Variants in PCDH15 observed in about 807,000 individuals in gnomAD.
PCDH15 encodes protocadherin related 15.
A neutral mutation model predicts 178.5 loss-of-function variants in PCDH15; 129 were observed. The ratio of observed to expected loss-of-function variants is 0.72; its 90% CI spans 0.63 to 0.84. PCDH15 has a LOEUF of 0.84. PCDH15 is among the 40% of genes least tolerant of loss of function. The pLI, the probability that PCDH15 is intolerant of heterozygous loss-of-function variation, is 0.00. For missense variants in PCDH15, 2,230 were observed against 2,099.9 expected, an observed-to-expected ratio of 1.06 and a Z score of -1.21; for synonymous variants, 800 against 732.0, an observed-to-expected ratio of 1.09 and a Z score of -1.50.
intron 3 of PCDH15, among the ~76,000 whole-genome samples, chr10:54,411,202 G>A (rs927836138): frequency 1.6e-4 from 21 of 127,572 alleles, no homozygotes; most frequent in African/African-American, 5.8e-4. Flanking sequence ...CTACAGGCAT[G>A]CTTATATTCC....
intron 6 of PCDH15, among the ~76,000 whole-genome samples, chr10:54,340,738 A>C (rs1369593179): frequency 6.6e-6 from 1 of 152,042 alleles, no homozygotes; most frequent in Non-Finnish European, 1.5e-5. Flanking sequence ...CTACATTGGC[A>C]TGGTTTGGGG....
intron 25 of PCDH15, among the ~76,000 whole-genome samples, chr10:53,913,671 G>C (rs1397774322): frequency 6.6e-6 from 1 of 151,672 alleles, no homozygotes. Context: ...GTGAACCCGG[G>C]AGGCAGAGCT....
At chr10:54,145,267 ATTATC>A (rs2043793848) in intron 14 of PCDH15, among the ~76,000 whole-genome samples, 2 of 151,992 alleles carry the variant, frequency 1.3e-5, no homozygotes, top group African/African-American at 4.8e-5. Context: ...AGAGGATTGT[ATTATC>A]TTATTATTAT....
chr10:54,854,094 T>C (rs1413563712), intron 3 of PCDH15, among the ~76,000 whole-genome samples: 1 of 152,160 alleles, frequency 6.6e-6, no homozygotes, highest in Non-Finnish European at 1.5e-5. Context: ...CAGTCAGTCA[T>C]GAGAGCTGCT....
chr10:54,783,484 C>T (rs983228834), intron 1 of PCDH15, among the ~76,000 whole-genome samples: 1 of 151,960 alleles, frequency 6.6e-6, no homozygotes, highest in Non-Finnish European at 1.5e-5. Context: ...GTAAAGAAAG[C>T]CTGTGAGACA....
At chr10:54,286,719 G>A (rs2059051339) in intron 8 of PCDH15, among the ~76,000 whole-genome samples, 1 of 152,132 alleles carries the variant, frequency 6.6e-6, no homozygotes, top group Non-Finnish European at 1.5e-5. Flanking sequence ...TCCGCCTCCT[G>A]AGTTCAAGCA....
rs562090098 is a variant in PCDH15, at chr10:54,820,116, A to T, written c.-29+77334T>A. 1.2e-4 allele frequency among the ~76,000 whole-genome samples: 18 copies of T among 152,168 alleles called. No individual in the cohort carries two copies. The South Asian group carries it at 1.7e-3, about 14-fold the overall frequency. The stretch of plus-strand genomic sequence containing the variant: ...TCTTTCCCATAGAAACCATTCCAAC[A>T]ATGACAAGGAAAGTAATCTTAGTAG... On this transcript the variant is annotated intron_variant, in intron 3 of 5. Transcript: ENST00000458638.
chr10:55,248,462 T>C (rs1841742431), intron 1 of PCDH15, among the ~76,000 whole-genome samples: 1 of 152,194 alleles, frequency 6.6e-6, no homozygotes, highest in East Asian at 1.9e-4. Context: ...AATTCATCTG[T>C]AATGTATTTT....
intron 1 of PCDH15, among the ~76,000 whole-genome samples, chr10:55,286,489 T>C (rs752396101): frequency 2.3e-4 from 35 of 151,610 alleles, no homozygotes; most frequent in Non-Finnish European, 1.0e-4. Context: ...TCTGTAGCTG[T>C]AGTCTATGAG....
rs1304422019 is a variant in PCDH15 at position 54,447,030 on chromosome 10, G to C, written c.158-68088C>G. Among the ~76,000 whole-genome samples, 5 of 151,506 alleles carry C rather than the reference G, an allele frequency of 3.3e-5. No individual in the cohort carries two copies. The East Asian group carries it at 7.7e-4, about 23-fold the overall frequency. ...AAAACTCCCCCTCTCTTACTCTCTG[G>C]CTGCAAACAAACCTCTCTGCTTTCT... is the stretch of plus-strand genomic sequence containing the variant. On this transcript the variant is annotated intron_variant, in intron 3 of 37. Coordinates refer to ENST00000644397, the MANE Select transcript of PCDH15 (RefSeq NM_001384140.1).
intron 2 of PCDH15, among the ~76,000 whole-genome samples, chr10:55,059,025 G>T (rs1591866845): frequency 6.6e-6 from 1 of 152,126 alleles, no homozygotes; most frequent in East Asian, 1.9e-4. Flanking sequence ...TTAAATCACG[G>T]TCCGTGAAAT....
chr10:53,922,659 C>T (rs916462090), intron 25 of PCDH15, among the ~76,000 whole-genome samples: 1 of 152,102 alleles, frequency 6.6e-6, no homozygotes, highest in Non-Finnish European at 1.5e-5. Flanking sequence ...GATAAAATTT[C>T]TCCTTTACTG....
intron 21 of PCDH15, among the ~76,000 whole-genome samples, chr10:53,992,794 C>T (rs1011287232): frequency 3.9e-5 from 6 of 152,132 alleles, no homozygotes; most frequent in South Asian, 2.1e-4. Flanking sequence ...AACGCTGTCA[C>T]GAAAGCACGG....
intron 21 of PCDH15, chr10:53,995,391 CATT>C: frequency 1.9e-6 from 1 of 522,064 alleles, no homozygotes; most frequent in Non-Finnish European, 3.4e-6. Context: ...ATATATTTAT[CATT>C]GTTAGATAAA....
At chr10:55,315,445 G>C (rs1051196149) in intron 1 of PCDH15, among the ~76,000 whole-genome samples, 4 of 152,032 alleles carry the variant, frequency 2.6e-5, no homozygotes, top group Admixed American at 1.3e-4. Flanking sequence ...ATAAATTATA[G>C]GCAAAGTTAC....
At chr10:55,537,063 AT>A (rs1841594218) in intron 2 of PCDH15, among the ~76,000 whole-genome samples, 1 of 152,116 alleles carries the variant, frequency 6.6e-6, no homozygotes, top group Non-Finnish European at 1.5e-5. Flanking sequence ...ATAGCACAGA[AT>A]TTGCACCATT....
At chr10:54,002,536 T>A (rs1024831793) in intron 20 of PCDH15, among the ~76,000 whole-genome samples, 2 of 152,118 alleles carry the variant, frequency 1.3e-5, no homozygotes, top group African/African-American at 2.4e-5. Context: ...AATAACAACA[T>A]AAATTTTGGA....
chr10:55,322,428 C>T (rs550450750), upstream of PCDH15, among the ~76,000 whole-genome samples: 13 of 152,154 alleles, frequency 8.5e-5, no homozygotes, highest in Middle Eastern at 3.4e-3. Context: ...TGTGGAAGCA[C>T]ATTTGGAACT....
At chr10:55,090,361 G>A (rs536846906) in intron 2 of PCDH15, among the ~76,000 whole-genome samples, 61 of 139,070 alleles carry the variant, frequency 4.4e-4, no homozygotes, top group East Asian at 8.3e-4. Flanking sequence ...ATATATTTTC[G>A]TTGTCATTTA....
Sources: allele counts gnomAD v4.1 joint callset (sites outside exome capture counted in the v4.1 genomes callset), GRCh38; gene constraint gnomAD v4.1.1; transcripts MANE v1.5; gene names NCBI Gene and HGNC (gene_info 2026-07-23, HGNC 2026-07-21).